SPG7: variants seen among roughly 807,000 people sequenced by gnomAD.
The protein encoded by SPG7 is SPG7 matrix AAA peptidase subunit, paraplegin.
In SPG7, 103 loss-of-function variants were observed where a neutral mutation model predicts 81.9. The observed-to-expected ratio is 1.26, with a 90% CI of 1.07 to 1.48. SPG7 has a LOEUF of 1.48. Ranked by LOEUF, SPG7 falls within the 40% of genes most tolerant of loss-of-function variation. SPG7 has a pLI of 0.00. For missense variants in SPG7, 1,241 were observed against 1,087.3 expected, an observed-to-expected ratio of 1.14 and a Z score of -1.99; for synonymous variants, 534 against 444.2, an observed-to-expected ratio of 1.20 and a Z score of -2.54.
At chr16:89,525,334 G>A (rs768717764) in intron 4 of SPG7, among the ~76,000 whole-genome samples, 1 of 152,130 alleles carries the variant, frequency 6.6e-6, no homozygotes, top group African/African-American at 2.4e-5. Flanking sequence ...TGCAGAAGAC[G>A]GTGCTCATTC....
At chr16:89,556,200 G>C (rs945087537) in intron 16 of SPG7, 1 of 398,932 alleles carries the variant, frequency 2.5e-6, no homozygotes, top group East Asian at 3.6e-5. Flanking sequence ...GCCCTAGAGA[G>C]GAAGTGTTTG....
intron 1 of SPG7, among the ~76,000 whole-genome samples, chr16:89,509,786 C>CTTTTTTTTTTTT (rs34140158): frequency 2.1e-5 from 2 of 95,130 alleles, no homozygotes; most frequent in East Asian, 3.4e-4. Context: ...TTGTTTTCTT[C>CTTTTTTTTTTTT]TTTTTTTTTT....
intron 1 of SPG7, among the ~76,000 whole-genome samples, chr16:89,509,451 A>AT (rs1209330794): frequency 6.6e-6 from 1 of 152,086 alleles, no homozygotes; most frequent in Non-Finnish European, 1.5e-5. Context: ...GGGTTTCACC[A>AT]TGTTGGCCAG....
chr16:89,518,501 T>G (rs2058134568), intron 3 of SPG7: 1 of 142,902 alleles, frequency 7.0e-6, no homozygotes. Flanking sequence ...AAAAAGACCC[T>G]GCTCACTGGT....
chr16:89,536,953 G>A (rs767491651), intron 9 of SPG7: 4 of 1,614,154 alleles, frequency 2.5e-6, no homozygotes, highest in Non-Finnish European at 3.4e-6. Flanking sequence ...CCAAAGGCAA[G>A]CGTATATCAA....
At chr16:89,536,528 G>GCAGGTGAGGTGAGGCGGGTGAGGT in intron 9 of SPG7, among the ~76,000 whole-genome samples, 1 of 143,826 alleles carries the variant, frequency 7.0e-6, no homozygotes, top group Middle Eastern at 3.5e-3. Flanking sequence ...GTCAGGTGAG[G>GCAGGTGAGGTGAGGCGGGTGAGGT]CGGGTGAGGT....
chr16:89,552,770 G>A, intron 13 of SPG7: 1 of 612,714 alleles, frequency 1.6e-6, no homozygotes, highest in South Asian at 1.8e-5. Context: ...CTTCCCGGCA[G>A]TGTGTGAACA....
chr16:89,513,921 A>T (rs962991658), intron 3 of SPG7, among the ~76,000 whole-genome samples: 2 of 152,070 alleles, frequency 1.3e-5, no homozygotes, highest in African/African-American at 4.8e-5. Flanking sequence ...GGATGAGGGG[A>T]TTATTATTGT....
intron 13 of SPG7, chr16:89,551,191 C>T (rs1194386278): frequency 1.6e-5 from 3 of 183,932 alleles, no homozygotes; most frequent in African/African-American, 4.7e-5. Context: ...CGAGTGCTGC[C>T]AAGAGGAGGT....
rs1567906368 is a variant in SPG7, at chr16:89,524,094, G to A, written c.465G>A (p.Leu155=). 2 of 1,614,048 alleles carry A rather than the reference G, an allele frequency of 1.2e-6. No homozygotes were observed. Among genetic ancestry groups the A allele is most frequent in the East Asian group, 2.2e-5 (1 of 44,888 alleles). ...TCATCGCGGTTGTCATGAGCCTCCT[G>A]AATGCTCTCAGCACCAGCGGAGGCA... The part of the protein sequence containing the change: ...LLVIAVVMSL[L]NALSTSGGSI... The change falls in exon 4 of 17, where the codon CTG becomes CTA. Residue 155 remains leucine (L), a synonymous_variant. Transcript: ENST00000645818.
At position 89,550,600 on chromosome 16, in the gene SPG7, C is replaced by G. The variant is rs60488729; in HGVS notation, c.1770C>G (p.Ala590=). Residue 590 remains alanine (A), a synonymous_variant, in exon 13 of 17, where the codon GCC becomes GCG. Coordinates refer to ENST00000645818, the MANE Select transcript of SPG7 (RefSeq NM_003119.4). ...LVGWMLEHTE[A]VMKVSITPRT... is the part of the protein sequence containing the mutation. ...GCTGGATGCTGGAGCACACGGAGGC[C>G]GTGATGAAGGTGGGTCTTGGCAGGT... 1 of 1,611,812 alleles carries G rather than the reference C, an allele frequency of 6.2e-7. No individual in the cohort carries two copies. The highest frequency in any genetic ancestry group is 1.7e-5 in the Admixed American group (1 of 60,014).
intron 3 of SPG7, among the ~76,000 whole-genome samples, chr16:89,514,178 G>T (rs1239963708): frequency 1.3e-5 from 2 of 152,074 alleles, no homozygotes; most frequent in Non-Finnish European, 1.5e-5. Context: ...TTTACGGTAA[G>T]TGTCAATGCT....
chr16:89,511,152 T>TA (rs1299956438), intron 2 of SPG7, among the ~76,000 whole-genome samples: 1 of 152,098 alleles, frequency 6.6e-6, no homozygotes, highest in African/African-American at 2.4e-5. Flanking sequence ...TGTCCTTTTT[T>TA]AAAAAAAATT....
intron 9 of SPG7, chr16:89,537,865 A>G: frequency 1.3e-6 from 1 of 764,228 alleles, no homozygotes; most frequent in Non-Finnish European, 1.6e-6. Flanking sequence ...GTGGCAGTAA[A>G]TGTATCAAGC....
At chr16:89,520,436 GC>G in intron 3 of SPG7, 1 of 179,134 alleles carries the variant, frequency 5.6e-6, no homozygotes, top group Non-Finnish European at 1.2e-5. Flanking sequence ...ACTCTTCGTT[GC>G]CCAGGCAGGA....
intron 1 of SPG7, 66 bp from the exon 2 acceptor site, chr16:89,510,424 T>G: frequency 1.0e-6 from 1 of 962,246 alleles, no homozygotes; most frequent in Non-Finnish European, 1.6e-6. Context: ...CGATTTTTAG[T>G]CTGCATTGCT....
At chr16:89,545,104 C>G (rs1200011892) in intron 10 of SPG7, 1 of 383,460 alleles carries the variant, frequency 2.6e-6, no homozygotes, top group African/African-American at 2.1e-5. Flanking sequence ...TATAGCAAAT[C>G]CTTTGAAACA....
intron 9 of SPG7, chr16:89,537,015 G>C: frequency 6.2e-7 from 1 of 1,611,154 alleles, no homozygotes; most frequent in Non-Finnish European, 8.5e-7. Context: ...AGCTGCTTCC[G>C]CCCCCGGATT....
In SPG7 at chr16:89,557,118, G is replaced by T; in HGVS notation, c.*25G>T. On this transcript the variant is annotated 3_prime_UTR_variant, in exon 17 of 17. Transcript: ENST00000645818. ...GTTGGGAGGTGTTGGCTGCACGTGC[G>T]GGTGGTCCGGGAAGTGAGGGCTCAC... 6.3e-7 allele frequency: 1 copy of T among 1,596,894 alleles called. No individual in the cohort carries two copies. The highest frequency in any genetic ancestry group is 2.2e-5 in the East Asian group (1 of 44,734).
Sources: gnomAD v4.1 joint callset for allele counts (sites outside exome capture counted in the v4.1 genomes callset) on GRCh38, gnomAD v4.1.1 for gene constraint, MANE v1.5 for transcripts, NCBI Gene and HGNC (gene_info 2026-07-23, HGNC 2026-07-21) for gene names.